IL17REL: variants seen among roughly 807,000 people sequenced by gnomAD.
IL17REL encodes the protein interleukin-17 receptor E-like protein.
Under a neutral mutation model 49.0 loss-of-function variants are expected in IL17REL, and 36 were observed. The ratio of observed to expected loss-of-function variants is 0.73; its 90% CI spans 0.56 to 0.97. The LOEUF is 0.97. Ranked by LOEUF, IL17REL falls within the 50% of genes least tolerant of loss-of-function variation. IL17REL has a pLI of 0.00. For synonymous variants in IL17REL, 206 were observed against 192.4 expected (o/e 1.07, Z -0.58); for missense variants, 470 against 453.9 (o/e 1.04, Z -0.32).
rs1419852064 is a variant in IL17REL, at chr22:50,005,929, A to G, written c.-42+2708T>C. On this transcript the variant is annotated intron_variant, in intron 1 of 12. Coordinates refer to ENST00000341280, the Ensembl canonical transcript of IL17REL. ...CCAACTCAACTGCTGAAAAGTACCAATTGGGCTGGAGAAAAAAACATATGT... is the reference window on the plus strand; with the variant it reads ...CCAACTCAACTGCTGAAAAGTACCAGTTGGGCTGGAGAAAAAAACATATGT... 3.9e-5 allele frequency among the ~76,000 whole-genome samples: 6 copies of G among 152,224 alleles called. No individual in the cohort carries two copies. In the East Asian group the frequency reaches 1.2e-3, roughly 29 times the overall value.
chr22:50,008,493 G>A (rs2061121813), intron 1 of IL17REL, 144 bp downstream of exon 2: 1 of 152,238 alleles, frequency 6.6e-6, no homozygotes, highest in Non-Finnish European at 1.5e-5. Context: ...GTGAGTGATA[G>A]AGGTTTGCCC....
intron 2 of IL17REL, 91 bp downstream of exon 3, chr22:50,000,991 A>C: frequency 7.9e-7 from 1 of 1,273,854 alleles, no homozygotes; most frequent in South Asian, 1.4e-5. Flanking sequence ...CTCCCTCACC[A>C]GGCCGCCCAA....
intron 6 of IL17REL, 42 bp downstream of exon 8, chr22:49,999,389 C>G (rs752132627): frequency 1.2e-6 from 2 of 1,612,784 alleles, no homozygotes; most frequent in Non-Finnish European, 1.7e-6. Flanking sequence ...CATCCCTGTG[C>G]TCCCCTCACC....
chr22:49,997,838 G>C, intron 9 of IL17REL, 96 bp from the exon 12 acceptor site: 1 of 1,428,824 alleles, frequency 7.0e-7, no homozygotes, highest in Admixed American at 1.7e-5. Context: ...TCAGCTTCAG[G>C]GTGCTCTGGG....
chr22:50,000,323 G>T (rs2061070352), intron 4 of IL17REL, among the ~76,000 whole-genome samples, 83 bp from the exon 6 acceptor site: 1 of 152,236 alleles, frequency 6.6e-6, no homozygotes. Flanking sequence ...CCATCCACGC[G>T]CTGTGCCTCT....
intron 1 of IL17REL, among the ~76,000 whole-genome samples, chr22:50,001,535 GCCCACCACGA>G (rs1235376740): frequency 3.9e-5 from 6 of 152,236 alleles, no homozygotes; most frequent in African/African-American, 1.4e-4. Context: ...GGGGCAGGAA[GCCCACCACGA>G]CTTGCTGGCA....
At chr22:50,012,611 C>G (rs964327919), upstream of IL17REL, 2 of 152,260 alleles carry the variant, frequency 1.3e-5, no homozygotes, top group Non-Finnish European at 2.9e-5. Flanking sequence ...TGCCCCAGGT[C>G]AGGCCCAAGA....
At chr22:49,999,749 G>T in intron 5 of IL17REL, 79 bp downstream of exon 7, 1 of 1,152,890 alleles carries the variant, frequency 8.7e-7, no homozygotes, top group Non-Finnish European at 1.1e-6. Flanking sequence ...GGTGGGCGGG[G>T]CCTAAGGCTG....
At chr22:49,997,049 A>G (rs1404829999) in exon 12 of IL17REL, 4 of 1,564,684 alleles carry the variant, frequency 2.6e-6, no homozygotes, top group South Asian at 1.2e-5. Context: ...TAGGAAGGCA[A>G]AAGCAGGGGC....
intron 1 of IL17REL, among the ~76,000 whole-genome samples, chr22:50,004,644 A>T (rs1476620494): frequency 2.0e-4 from 30 of 151,260 alleles, no homozygotes; most frequent in Admixed American, 1.4e-3. Context: ...GCAGATCACC[A>T]GAGGTCAGGG....
At chr22:50,001,543 C>T (rs1050591899) in intron 1 of IL17REL, among the ~76,000 whole-genome samples, 4 of 152,190 alleles carry the variant, frequency 2.6e-5, no homozygotes, top group African/African-American at 9.7e-5. Flanking sequence ...AAGCCCACCA[C>T]GACTTGCTGG....
rs2061058120 is a variant in IL17REL at position 49,999,190 on chromosome 22, C to T, written c.601+101G>A. 12 of 1,405,070 alleles carry T rather than the reference C, an allele frequency of 8.5e-6. No homozygotes were observed. The South Asian group carries it at 1.3e-4, about 15-fold the overall frequency. 87.0% of individuals were successfully genotyped at this position (1,405,070 alleles called of 1,614,324 possible). On this transcript the variant is annotated intron_variant, in intron 7 of 12. Transcript: ENST00000341280. ...AGCAGGCTCAGGGATTTAGGCTGGG[C>T]CTGCTCCTTATCTCATCCCCCCACG...
At position 49,999,921 on chromosome 22, in the gene IL17REL, C is replaced by T; in HGVS notation, c.381G>A (p.Leu127=). The T allele has an allele frequency of 2.0e-6, 3 of 1,535,870 alleles. No homozygotes were observed. In the South Asian group the frequency reaches 3.6e-5, roughly 19 times the overall value. Reference sequence around the variant, plus strand: ...TCCCGGAGGCCCTGGGCACTTGCACCAGAATCGCCTTGCGCCTCCGGTCCA... The same window carrying T: ...TCCCGGAGGCCCTGGGCACTTGCACTAGAATCGCCTTGCGCCTCCGGTCCA... The change falls in exon 5 of 13, where the codon CTG becomes CTA. Residue 127 remains leucine, a synonymous_variant. Coordinates refer to ENST00000341280, the Ensembl canonical transcript of IL17REL.
In IL17REL at chr22:49,998,078, G is replaced by C; in HGVS notation, c.775-9C>G. The C allele has an allele frequency of 5.6e-6, 9 of 1,593,864 alleles. No individual in the cohort carries two copies. Among genetic ancestry groups the C allele is most frequent in the Non-Finnish European group, 7.7e-6 (9 of 1,172,500 alleles). ...ACCAGCGGGTACTGCACCTGAGGAG[G>C]GCTGGGGTCAGGCTGTGGCATCCAT... is the stretch of plus-strand genomic sequence containing the variant. On this transcript the variant is annotated splice_polypyrimidine_tract_variant and intron_variant, in intron 8 of 12. Coordinates refer to ENST00000341280, the Ensembl canonical transcript of IL17REL.
chr22:50,009,530 G>A (rs2061127317), upstream of IL17REL, among the ~76,000 whole-genome samples: 1 of 152,116 alleles, frequency 6.6e-6, no homozygotes, highest in Non-Finnish European at 1.5e-5. Flanking sequence ...CCCCCTGGGG[G>A]CGGCCACTGA....
chr22:50,008,090 T>G (rs1026005165), intron 1 of IL17REL, among the ~76,000 whole-genome samples: 1 of 152,050 alleles, frequency 6.6e-6, no homozygotes, highest in African/African-American at 2.4e-5. Flanking sequence ...TTCAGGTCTA[T>G]TCCTATGAAA....
chr22:50,008,879 G>A (rs970398290), upstream of IL17REL: 11 of 152,344 alleles, frequency 7.2e-5, no homozygotes, highest in Admixed American at 3.9e-4. Context: ...CCAGCTCCCC[G>A]ACCCACTTGT....
At chr22:49,998,278 C>T (rs778944661) in exon 8 of IL17REL, 20 of 1,610,288 alleles carry the variant, frequency 1.2e-5, no homozygotes, top group Non-Finnish European at 1.5e-5. Context: ...GGTAGTAGAC[C>T]GTGTCCCACA....
At chr22:49,998,879 C>A (rs1384854666) in intron 7 of IL17REL, among the ~76,000 whole-genome samples, 2 of 146,374 alleles carry the variant, frequency 1.4e-5, no homozygotes, top group Non-Finnish European at 3.0e-5. Context: ...TCATGGGTGT[C>A]TGTGCATGTG....
Sources: allele counts gnomAD v4.1 joint callset (sites outside exome capture counted in the v4.1 genomes callset), GRCh38; gene constraint gnomAD v4.1.1; transcripts MANE v1.5; gene names NCBI Gene and HGNC (gene_info 2026-07-23, HGNC 2026-07-21).